The following CTBP1 variants were observed in gnomAD, a reference collection of about 807,000 sequenced individuals.
The protein encoded by CTBP1 is C-terminal-binding protein 1.
In CTBP1, 11 loss-of-function variants were observed where a neutral mutation model predicts 42.1. That is an observed-to-expected ratio of 0.26 (90% CI 0.16 to 0.43). The LOEUF is 0.43. Among genes scored for constraint, CTBP1 ranks in the 20% least tolerant of loss-of-function variants. CTBP1 has a pLI of 1.00. For synonymous variants in CTBP1, 324 were observed against 277.1 expected (o/e 1.17, Z -1.68); for missense variants, 399 against 624.3 (o/e 0.64, Z 3.85).
At position 1,237,317 on chromosome 4, in the gene CTBP1, G is replaced by A; in HGVS notation, c.162+866C>T. On this transcript the variant is annotated intron_variant, in intron 3 of 9. Transcript: ENST00000382952. ...GTGTCCACCTCCTGATGGGGCTCAG[G>A]ACAAACCGAGTGTCCACCTCCTGAT... 4.4e-6 allele frequency: 3 copies of A among 679,616 alleles called. No individual in the cohort carries two copies. In the South Asian group the frequency reaches 4.6e-5, roughly 10 times the overall value. The allele number at this position is 679,616 out of a possible 1,614,324, so 42.1% of individuals were successfully genotyped here.
intron 1 of CTBP1, chr4:1,245,480 C>T (rs2108805304): frequency 1.0e-6 from 1 of 985,398 alleles, no homozygotes; most frequent in East Asian, 1.1e-4. Flanking sequence ...CCTCGGATGC[C>T]TCTGAGGCTC....
intron 6 of CTBP1, 137 bp from the exon 7 acceptor site, chr4:1,214,610 C>T (rs982064932): frequency 2.5e-5 from 29 of 1,166,280 alleles, no homozygotes; most frequent in Non-Finnish European, 2.6e-5. Flanking sequence ...GGGCTCACCA[C>T]GGCGCTAGGA....
Position 1,241,795 on chromosome 4 carries a change from G to A in CTBP1, c.-188-276C>T. 15 of 1,181,936 alleles carry A rather than the reference G, an allele frequency of 1.3e-5. 1 individual carries two copies. In the South Asian group the frequency reaches 2.4e-4, roughly 19 times the overall value. The allele number at this position is 1,181,936 out of a possible 1,614,324, so 73.2% of individuals were successfully genotyped here. On this transcript the variant is annotated intron_variant, in intron 1 of 9. Coordinates refer to ENST00000382952, the MANE Select transcript of CTBP1 (RefSeq NM_001012614.2). ...CTCCTGGGAACAGTCCCCCAGGGCT[G>A]CGGCCACCCCCACAGGCTCTAGCCG...
rs114258612 is a variant in CTBP1 at position 1,239,630 on chromosome 4, G to T, written c.8-1293C>A. 6.5e-3 allele frequency among the ~76,000 whole-genome samples: 995 copies of T among 152,338 alleles called. 15 individuals carry two copies. The highest frequency in any genetic ancestry group is 0.023 in the African/African-American group (944 of 41,570). On this transcript the variant is annotated intron_variant, in intron 2 of 9. Transcript: ENST00000382952. ...AAATGCTCTGGTGGACAGCCCAGGG[G>T]TGCAGTGGGCCTGCAGCACACGCCT...
At chr4:1,246,396 C>T (rs773634856) in intron 1 of CTBP1, among the ~76,000 whole-genome samples, 9 of 152,208 alleles carry the variant, frequency 5.9e-5, no homozygotes, top group African/African-American at 9.6e-5. Flanking sequence ...AGGCCTGCAC[C>T]GTCAGCACCA....
intron 5 of CTBP1, among the ~76,000 whole-genome samples, chr4:1,223,123 A>C (rs1278378361): frequency 2.6e-5 from 4 of 152,054 alleles, no homozygotes; most frequent in Non-Finnish European, 5.9e-5. Context: ...CTGAAGGTCC[A>C]CAGAGCCCCG....
chr4:1,248,564 G>C (rs1447220785), intron 1 of CTBP1: 1 of 525,978 alleles, frequency 1.9e-6, no homozygotes, highest in Non-Finnish European at 2.4e-6. Flanking sequence ...CCGGGGATCG[G>C]GACCCGGGGT....
intron 1 of CTBP1, chr4:1,242,833 A>G: frequency 1.0e-6 from 1 of 985,380 alleles, no homozygotes; most frequent in Non-Finnish European, 1.2e-6. Context: ...AACCGCCTAA[A>G]TGTCACATTT....
intron 1 of CTBP1, chr4:1,244,654 G>A: frequency 7.1e-6 from 7 of 985,282 alleles, no homozygotes; most frequent in African/African-American, 1.7e-5. Flanking sequence ...AGGGCTCCCC[G>A]ACCACCAGAA....
intron 1 of CTBP1, chr4:1,243,174 G>A (rs900883526): frequency 2.5e-4 from 251 of 985,316 alleles, no homozygotes; most frequent in Non-Finnish European, 2.9e-4. Flanking sequence ...GGCACCAGCC[G>A]CTGCTCCTGG....
At chr4:1,228,868 C>T (rs942748233) in intron 3 of CTBP1, among the ~76,000 whole-genome samples, 17 of 152,098 alleles carry the variant, frequency 1.1e-4, no homozygotes, top group South Asian at 2.1e-4. Context: ...GGCAGGCAGA[C>T]GCCACCCAGC....
Position 1,212,071 on chromosome 4 carries a change from G to C in CTBP1, c.*169C>G, listed in dbSNP as rs1388454871. ...CACAGGGCAGAGCGCCCACAGGACG[G>C]ACGACGACAAGCGACACGAGGCCCA... On this transcript the variant is annotated 3_prime_UTR_variant, in exon 10 of 10. Coordinates refer to ENST00000382952, the MANE Select transcript of CTBP1 (RefSeq NM_001012614.2). 8 of 491,334 alleles carry C rather than the reference G, an allele frequency of 1.6e-5. No individual in the cohort carries two copies. The highest frequency in any genetic ancestry group is 2.4e-5 in the Non-Finnish European group (7 of 293,052). 30.4% of individuals were successfully genotyped at this position (491,334 alleles called of 1,614,324 possible).
intron 2 of CTBP1, among the ~76,000 whole-genome samples, chr4:1,240,584 G>A (rs1325925903): frequency 5.7e-5 from 6 of 104,878 alleles, no homozygotes; most frequent in African/African-American, 2.3e-4. Flanking sequence ...CCCGGGTGCT[G>A]GGTGAGTGGG....
Position 1,213,645 on chromosome 4 carries a change from T to C in CTBP1, c.861-40A>G, listed in dbSNP as rs745860234. ...GGCATGGTCAGTGCAGCCTGAGTGC[T>C]GTGGCTGGGTACGGAGGGGAGGTGG... is the stretch of plus-strand genomic sequence containing the variant. On this transcript the variant is annotated intron_variant, in intron 7 of 9. Coordinates refer to ENST00000382952, the MANE Select transcript of CTBP1 (RefSeq NM_001012614.2). The C allele has an allele frequency of 3.1e-6, 5 of 1,598,370 alleles. No individual in the cohort carries two copies. The Admixed American group carries it at 6.8e-5, about 22-fold the overall frequency.
rs145253288 is a variant in CTBP1, at chr4:1,213,670, GCTGGGCA to G, written c.861-72_861-66del. The G allele has an allele frequency of 5.0e-3, 7,874 of 1,562,584 alleles. 23 individuals carry two copies. Among genetic ancestry groups the G allele is most frequent in the Middle Eastern group, 0.024 (127 of 5,224 alleles). ...TGTGGCTGGGTACGGAGGGGAGGTG[GCTGGGCA>G]CTGGAACCCCCTGTGGGGGGCCCTG... On this transcript the variant is annotated intron_variant, in intron 7 of 9. Transcript: ENST00000382952.
At chr4:1,226,728 C>A (rs1293061517) in intron 4 of CTBP1, among the ~76,000 whole-genome samples, 2 of 151,690 alleles carry the variant, frequency 1.3e-5, no homozygotes, top group African/African-American at 4.8e-5. Context: ...CACCACACAC[C>A]CAGGCCTGCA....
At chr4:1,214,947 C>A (rs1728949635) in intron 6 of CTBP1, among the ~76,000 whole-genome samples, 1 of 152,268 alleles carries the variant, frequency 6.6e-6, no homozygotes, top group Admixed American at 6.5e-5. Flanking sequence ...TCGGAACAGG[C>A]TCGCTTTTCA....
intron 2 of CTBP1, 115 bp downstream of exon 2, chr4:1,241,210 C>T (rs1291562484): frequency 1.3e-6 from 1 of 770,980 alleles, no homozygotes; most frequent in Non-Finnish European, 2.4e-6. Context: ...CAGTCCGGCC[C>T]GACGCCCATG....
At chr4:1,222,968 T>G (rs1729917893) in intron 5 of CTBP1, among the ~76,000 whole-genome samples, 1 of 151,816 alleles carries the variant, frequency 6.6e-6, no homozygotes, top group Non-Finnish European at 1.5e-5. Context: ...CTCGTACACC[T>G]CAGGTGAGGT....
Sources: allele counts gnomAD v4.1 joint callset (sites outside exome capture counted in the v4.1 genomes callset), GRCh38; gene constraint gnomAD v4.1.1; transcripts MANE v1.5; gene names NCBI Gene and HGNC (gene_info 2026-07-23, HGNC 2026-07-21).